The following ZFHX3 variants were observed in gnomAD, a reference collection of about 807,000 sequenced individuals.
ZFHX3 encodes the protein zinc finger homeobox protein 3.
Under a neutral mutation model 279.1 loss-of-function variants are expected in ZFHX3, and 42 were observed. The ratio of observed to expected loss-of-function variants is 0.15; its 90% CI spans 0.12 to 0.19. ZFHX3 has a LOEUF of 0.19. ZFHX3 is among the 10% of genes least tolerant of loss of function. The pLI is 1.00. For synonymous variants in ZFHX3, 2,293 were observed against 1,957.8 expected (o/e 1.17, Z -4.52); for missense variants, 4,981 against 4,754.0 (o/e 1.05, Z -1.40).
intron 4 of ZFHX3, among the ~76,000 whole-genome samples, chr16:72,853,399 T>C (rs2037668235): frequency 6.6e-6 from 1 of 152,212 alleles, no homozygotes. Context: ...AACTAATTAC[T>C]CAGATTCTGA....
At chr16:72,870,714 T>C (rs867462137) in intron 4 of ZFHX3, among the ~76,000 whole-genome samples, 62 of 78,840 alleles carry the variant, frequency 7.9e-4, no homozygotes, top group Admixed American at 4.4e-3. Flanking sequence ...CAAGACTCTG[T>C]CTCAAAAAAA....
chr16:73,550,496 A>G (rs948042046), intron 2 of ZFHX3, among the ~76,000 whole-genome samples: 7 of 152,108 alleles, frequency 4.6e-5, no homozygotes, highest in Admixed American at 4.6e-4. Context: ...CTTTTACACC[A>G]CACAGGATAA....
chr16:72,885,973 T>C (rs903896052), intron 4 of ZFHX3, among the ~76,000 whole-genome samples: 4 of 152,072 alleles, frequency 2.6e-5, no homozygotes, highest in African/African-American at 9.7e-5. Context: ...GAGGACAGAG[T>C]TGGGAATAGT....
At position 72,795,972 on chromosome 16, in the gene ZFHX3, T is replaced by G. The variant is rs765157319; in HGVS notation, c.6710A>C (p.Glu2237Ala). ...TGAAGACCTCTTGCTTCCCCAGTAC[T>G]CCTGCTTTGGAGGTTCCGGCGAAGG... ...RPPSPEPPKQEYWGSKRSSRT... is the reference protein window; with the variant it reads ...RPPSPEPPKQAYWGSKRSSRT... The change falls in exon 9 of 10, where the codon GAG becomes GCG. Residue 2237 changes from glutamate (E) to alanine (A), a missense_variant. Glu to Ala is a moderately radical substitution (Grantham distance 107). Transcript: ENST00000268489. The G allele has an allele frequency of 1.9e-6, 3 of 1,614,192 alleles. No homozygotes were observed. The highest frequency in any genetic ancestry group is 2.5e-6 in the Non-Finnish European group (3 of 1,180,032).
At chr16:73,049,242 C>G (rs1164104436), upstream of ZFHX3, among the ~76,000 whole-genome samples, 1 of 152,240 alleles carries the variant, frequency 6.6e-6, no homozygotes, top group East Asian at 1.9e-4. Context: ...ACTCCCGATT[C>G]TCACAGCACA....
intron 1 of ZFHX3, among the ~76,000 whole-genome samples, chr16:73,712,269 G>C (rs564226648): frequency 6.6e-6 from 1 of 152,268 alleles, no homozygotes; most frequent in South Asian, 2.1e-4. Context: ...ATCCCAGGCT[G>C]CCCTCTGCCA....
intron 2 of ZFHX3, among the ~76,000 whole-genome samples, chr16:73,489,456 T>G (rs2019024463): frequency 6.6e-6 from 1 of 152,234 alleles, no homozygotes; most frequent in African/African-American, 2.4e-5. Context: ...GAATCCAGCA[T>G]AATTCATAGA....
At chr16:73,684,155 G>C (rs547355244) in intron 1 of ZFHX3, among the ~76,000 whole-genome samples, 1 of 152,260 alleles carries the variant, frequency 6.6e-6, no homozygotes, top group South Asian at 2.1e-4. Flanking sequence ...GTAGCTGAGT[G>C]AGGTGGTGGG....
intron 3 of ZFHX3, among the ~76,000 whole-genome samples, chr16:72,919,290 C>CT (rs1334885437): frequency 6.6e-6 from 1 of 152,052 alleles, no homozygotes; most frequent in Non-Finnish European, 1.5e-5. Context: ...TCCCAAGTAG[C>CT]TAGGACTACA....
intron 1 of ZFHX3, chr16:73,794,043 A>G (rs1959913202): frequency 6.6e-6 from 1 of 152,236 alleles, no homozygotes; most frequent in Non-Finnish European, 1.5e-5. Flanking sequence ...TTAATGCAGC[A>G]ACATCACATA....
intron 5 of ZFHX3, among the ~76,000 whole-genome samples, chr16:73,228,524 G>A (rs955492419): frequency 1.3e-5 from 2 of 152,146 alleles, no homozygotes; most frequent in East Asian, 3.9e-4. Context: ...TTAACCAGGT[G>A]TAGTGACATG....
chr16:73,210,635 G>C (rs958559343), intron 5 of ZFHX3, among the ~76,000 whole-genome samples: 1 of 152,132 alleles, frequency 6.6e-6, no homozygotes, highest in Admixed American at 6.6e-5. Context: ...GTAAATAAAT[G>C]CACATTCTTT....
chr16:73,761,910 G>C (rs1024415737), intron 1 of ZFHX3, among the ~76,000 whole-genome samples: 12 of 152,076 alleles, frequency 7.9e-5, no homozygotes, highest in African/African-American at 2.2e-4. Flanking sequence ...TACCATTCAG[G>C]ACATAGGCAC....
At chr16:73,883,449 T>C (rs1406507926) in intron 1 of ZFHX3, among the ~76,000 whole-genome samples, 1 of 151,824 alleles carries the variant, frequency 6.6e-6, no homozygotes, top group African/African-American at 2.4e-5. Flanking sequence ...GTATTTATAA[T>C]GTGGACATGA....
chr16:72,798,173 C>G lies in ZFHX3; in HGVS notation c.4509G>C (p.Gln1503His). ...KEEESDLEDK[Q>H]SPTGSDSGSV... The stretch of plus-strand genomic sequence containing the variant: ...ACCCAGAGTCACTGCCCGTTGGGCT[C>G]TGTTTATCTTCCAAGTCACTCTCTT... The change falls in exon 9 of 10, where the codon CAG becomes CAC. Residue 1503 changes from glutamine (Q) to histidine (H), a missense_variant. Transcript: ENST00000268489. The G allele has an allele frequency of 6.2e-7, 1 of 1,614,182 alleles. No individual in the cohort carries two copies. Among genetic ancestry groups the G allele is most frequent in the Non-Finnish European group, 8.5e-7 (1 of 1,180,030 alleles).
At chr16:73,459,483 C>A (rs982429960) in intron 2 of ZFHX3, among the ~76,000 whole-genome samples, 21 of 152,230 alleles carry the variant, frequency 1.4e-4, no homozygotes, top group African/African-American at 5.1e-4. Flanking sequence ...CTGCCTCAGC[C>A]TCCCAAGTAG....
At chr16:73,458,184 T>C (rs1448067384) in intron 2 of ZFHX3, among the ~76,000 whole-genome samples, 3 of 152,190 alleles carry the variant, frequency 2.0e-5, no homozygotes, top group Admixed American at 6.5e-5. Context: ...TCTCTTTTTC[T>C]TTCTTCCTTT....
intron 1 of ZFHX3, among the ~76,000 whole-genome samples, chr16:73,805,912 A>G (rs1455092163): frequency 1.3e-5 from 2 of 152,222 alleles, no homozygotes; most frequent in Non-Finnish European, 2.9e-5. Flanking sequence ...ATGAGGGAAC[A>G]TGTATTATTC....
chr16:73,660,977 T>C (rs775986365), intron 2 of ZFHX3, among the ~76,000 whole-genome samples: 2 of 152,196 alleles, frequency 1.3e-5, no homozygotes, highest in Non-Finnish European at 2.9e-5. Flanking sequence ...GTGAATTGCA[T>C]ACCCATATCT....
Sources: allele counts gnomAD v4.1 joint callset (sites outside exome capture counted in the v4.1 genomes callset), GRCh38; gene constraint gnomAD v4.1.1; transcripts MANE v1.5; gene names NCBI Gene and HGNC (gene_info 2026-07-23, HGNC 2026-07-21).